The following CDK13 variants were observed in gnomAD, a reference collection of about 807,000 sequenced individuals.
CDK13 encodes cyclin-dependent kinase 13.
In CDK13, 40 loss-of-function variants were observed where a neutral mutation model predicts 137.6. The observed-to-expected ratio is 0.29, with a 90% confidence interval of 0.23 to 0.38. The LOEUF (loss-of-function observed/expected upper bound fraction) is 0.38. CDK13 is among the 10% of genes least tolerant of loss of function. CDK13 has a pLI of 1.00. For synonymous variants in CDK13, 869 were observed against 760.1 expected (o/e 1.14, Z -2.36); for missense variants, 1,704 against 1,951.8 (o/e 0.87, Z 2.39).
At chr7:40,061,386 A>G (rs1477773780) in intron 7 of CDK13, 1 of 152,138 alleles carries the variant, frequency 6.6e-6, no homozygotes, top group Admixed American at 6.6e-5. Flanking sequence ...ATAATGCCCA[A>G]ATTGATAGTT....
intron 5 of CDK13, among the ~76,000 whole-genome samples, chr7:40,025,514 A>T (rs753242677): frequency 1.3e-5 from 2 of 152,182 alleles, no homozygotes; most frequent in East Asian, 3.8e-4. Context: ...ACCTTTGCCA[A>T]CTTACTAGTC....
chr7:39,960,265 A>ATTTTTT (rs1787570379), intron 1 of CDK13, among the ~76,000 whole-genome samples: 1 of 148,626 alleles, frequency 6.7e-6, no homozygotes. Flanking sequence ...TTTTTTTTTG[A>ATTTTTT]GATGGAGTCT....
chr7:39,987,288 A>G (rs1029816476), intron 1 of CDK13: 2 of 197,404 alleles, frequency 1.0e-5, no homozygotes, highest in South Asian at 1.4e-4. Flanking sequence ...TGCTGCTACT[A>G]CTACCATTGA....
intron 6 of CDK13, 85 bp downstream of exon 6, chr7:40,046,110 C>T (rs966609967): frequency 3.8e-5 from 31 of 824,042 alleles, no homozygotes; most frequent in South Asian, 7.3e-5. Context: ...ACCGTAGCGG[C>T]GGGGAATGTC....
intron 1 of CDK13, among the ~76,000 whole-genome samples, chr7:39,971,871 T>G (rs1209823670): frequency 6.6e-6 from 1 of 151,812 alleles, no homozygotes; most frequent in East Asian, 1.9e-4. Context: ...CAAGACTCCA[T>G]CTCAAAAAGA....
chr7:40,009,886 A>T (rs762967854), intron 5 of CDK13, among the ~76,000 whole-genome samples: 4 of 152,202 alleles, frequency 2.6e-5, no homozygotes, highest in African/African-American at 4.8e-5. Context: ...AGAAACTGAA[A>T]TAAAAAGTGT....
chr7:40,007,462 T>C (rs1435237681), intron 5 of CDK13, among the ~76,000 whole-genome samples: 1 of 152,256 alleles, frequency 6.6e-6, no homozygotes, highest in Non-Finnish European at 1.5e-5. Context: ...AGTCTCGCTC[T>C]GTCACCCAGG....
chr7:40,035,706 A>T (rs1584020037), intron 5 of CDK13, among the ~76,000 whole-genome samples: 1 of 152,028 alleles, frequency 6.6e-6, no homozygotes, highest in East Asian at 1.9e-4. Flanking sequence ...GTTACAGTGT[A>T]ATAACAATAG....
intron 5 of CDK13, among the ~76,000 whole-genome samples, chr7:40,015,929 GATA>G (rs1306575905): frequency 6.6e-6 from 1 of 152,126 alleles, no homozygotes; most frequent in Non-Finnish European, 1.5e-5. Flanking sequence ...CTCAAGAGCA[GATA>G]ATAAGGGAAA....
At chr7:39,998,711 A>G (rs1170862822) in intron 3 of CDK13, 2 of 152,114 alleles carry the variant, frequency 1.3e-5, no homozygotes, top group Admixed American at 6.5e-5. Flanking sequence ...GTGATTTACT[A>G]TAATATTAAA....
chr7:40,066,908 G>A (rs1270233941), intron 9 of CDK13: 2 of 150,872 alleles, frequency 1.3e-5, no homozygotes, highest in East Asian at 1.9e-4. Context: ...TTTTTTAAAC[G>A]ATTCCTTCTA....
chr7:40,071,177 T>G (rs1282535006), intron 9 of CDK13: 4 of 152,220 alleles, frequency 2.6e-5, no homozygotes, highest in African/African-American at 9.6e-5. Context: ...TGTAGAGTTG[T>G]GCTTCTCAAA....
At chr7:40,042,333 G>A (rs747904529) in intron 5 of CDK13, among the ~76,000 whole-genome samples, 26 of 151,346 alleles carry the variant, frequency 1.7e-4, no homozygotes, top group Non-Finnish European at 3.7e-4. Flanking sequence ...CGCCCACCTC[G>A]GCCTCCCAAA....
chr7:40,047,452 C>G (rs1785772525), intron 6 of CDK13, among the ~76,000 whole-genome samples: 1 of 151,952 alleles, frequency 6.6e-6, no homozygotes, highest in Admixed American at 6.6e-5. Context: ...GCACTGTTAC[C>G]TTGAACAAGA....
At chr7:40,070,998 AC>A (rs1017363541) in intron 9 of CDK13, 4 of 152,116 alleles carry the variant, frequency 2.6e-5, no homozygotes, top group African/African-American at 9.7e-5. Flanking sequence ...CTGCCACCTC[AC>A]CCAGTACACA....
intron 1 of CDK13, among the ~76,000 whole-genome samples, chr7:39,956,957 T>G (rs1397749876): frequency 6.6e-6 from 1 of 152,160 alleles, no homozygotes; most frequent in Non-Finnish European, 1.5e-5. Flanking sequence ...CACAGTTCTG[T>G]TTTCAAAGAC....
At position 40,003,504 on chromosome 7, in the gene CDK13, T is replaced by C. The variant is rs181882064; in HGVS notation, c.2353+1473T>C. Among the ~76,000 whole-genome samples the C allele has an allele frequency of 1.2e-3, 189 of 152,294 alleles. 1 individual carries two copies. Among genetic ancestry groups the C allele is most frequent in the African/African-American group, 4.2e-3 (174 of 41,550 alleles). On this transcript the variant is annotated intron_variant, in intron 5 of 13. Transcript: ENST00000181839. ...TGTCTGGGTCTTGAGACTTAGTGTA[T>C]TAGTGGTGTGGCCTTATTAGCAAGA...
Position 39,950,880 on chromosome 7 carries a change from G to C in CDK13, c.239G>C (p.Cys80Ser). Residue 80 changes from cysteine (C) to serine (S), a missense_variant, in exon 1 of 14, where the codon TGC (cysteine) becomes TCC (serine). By Grantham distance (112) the Cys-to-Ser change is moderately radical. Around this residue, in one of 5 missense-constraint regions of CDK13, gnomAD observed 1,051 missense variants for 931.0 expected, o/e 1.13. Transcript: ENST00000181839. ...AAAAAAASSS[C>S]FSPGPPLEVK... ...GCCGCCGCCGCGGCCTCCTCCTCTTGCTTCAGCCCGGGCCCCCCTCTGGAG... is the reference window on the plus strand; with the variant it reads ...GCCGCCGCCGCGGCCTCCTCCTCTTCCTTCAGCCCGGGCCCCCCTCTGGAG... The C allele has an allele frequency of 7.4e-7, 1 of 1,360,290 alleles. No individual in the cohort carries two copies. The highest frequency in any genetic ancestry group is 9.4e-7 in the Non-Finnish European group (1 of 1,067,248). 84.3% of individuals were successfully genotyped at this position (1,360,290 alleles called of 1,614,324 possible). A position where few individuals can be genotyped will look rare whatever the true frequency, so the allele number is the denominator to read the frequency against.
At chr7:39,966,603 TCTC>T (rs1294364374) in intron 1 of CDK13, among the ~76,000 whole-genome samples, 2 of 152,138 alleles carry the variant, frequency 1.3e-5, no homozygotes, top group African/African-American at 4.8e-5. Flanking sequence ...GAAGCCTTCT[TCTC>T]TGAACTCGTC....
Sources: allele counts gnomAD v4.1 joint callset (sites outside exome capture counted in the v4.1 genomes callset), GRCh38; gene constraint gnomAD v4.1.1; regional missense constraint gnomAD v4.1.1; transcripts MANE v1.5; gene names NCBI Gene and HGNC (gene_info 2026-07-23, HGNC 2026-07-21).